Variants in CDC25B observed in about 807,000 individuals in gnomAD.
CDC25B encodes cell division cycle 25B, also known as M-phase inducer phosphatase 2.
In CDC25B, 33 loss-of-function variants were observed where a neutral mutation model predicts 69.8. The ratio of observed to expected loss-of-function variants is 0.47; its 90% CI spans 0.36 to 0.63. The LOEUF is 0.63. Among genes scored for constraint, CDC25B ranks in the 30% least tolerant of loss-of-function variants. The pLI is 0.00. For synonymous variants in CDC25B, 341 were observed against 314.6 expected (o/e 1.08, Z -0.89); for missense variants, 727 against 809.1 (o/e 0.90, Z 1.23).
chr20:3,792,647 T>C (rs79921473), upstream of CDC25B, among the ~76,000 whole-genome samples: 9,336 of 152,260 alleles, frequency 0.061, 336 homozygotes, highest in Non-Finnish European at 0.071. Flanking sequence ...TATGTATTTT[T>C]AGTAGAGACA....
chr20:3,799,525 T>TGTGCGC (rs1211874383), intron 3 of CDC25B, among the ~76,000 whole-genome samples: 438 of 68,736 alleles, frequency 6.4e-3, no homozygotes, highest in South Asian at 0.014. Flanking sequence ...TGTGTGTGTG[T>TGTGCGC]GCGCGCGCGC....
upstream of CDC25B, chr20:3,795,863 C>A (rs2089016663): frequency 2.5e-5 from 25 of 984,900 alleles, no homozygotes; most frequent in South Asian, 8.5e-4. Flanking sequence ...TAATGAACTT[C>A]ACGCCTCAGC....
At chr20:3,798,315 GTTTT>G (rs58192077) in intron 2 of CDC25B, 93 bp from the exon 3 acceptor site, 7,413 of 369,862 alleles carry the variant, frequency 0.02, 4 homozygotes, top group East Asian at 0.036. Context: ...ACTAGAAACT[GTTTT>G]TTTTTTTTTT....
rs1195029246 is a variant in CDC25B, at chr20:3,805,687, C to T, written c.*726C>T. On this transcript the variant is annotated 3_prime_UTR_variant, in exon 16 of 16. Transcript: ENST00000245960. ...GGATGTTATTATCCTTGGGGGCTCC[C>T]AGGGCAAGGGTTAAGGCCTGAATCA... 1 of 402,596 alleles carries T rather than the reference C, an allele frequency of 2.5e-6. No homozygotes were observed. Among genetic ancestry groups the T allele is most frequent in the Non-Finnish European group, 4.4e-6 (1 of 227,500 alleles). The allele number at this position is 402,596 out of a possible 1,614,324, so 24.9% of individuals were successfully genotyped here. A position where few individuals can be genotyped will look rare whatever the true frequency, so the allele number is the denominator to read the frequency against.
At chr20:3,787,034 T>G (rs560474655) in exon 1 of CDC25B, 35,361 of 614,868 alleles carry the variant, frequency 0.058, 1,285 homozygotes, top group Non-Finnish European at 0.074. Context: ...TTGTTTGTTT[T>G]TTTTTTTTTT....
chr20:3,798,937 C>T (rs2089164739), intron 3 of CDC25B, among the ~76,000 whole-genome samples: 1 of 152,216 alleles, frequency 6.6e-6, no homozygotes, highest in Non-Finnish European at 1.5e-5. Flanking sequence ...CCTCTGACTT[C>T]GATGACACTT....
rs770463028 is a variant in CDC25B at position 3,800,818 on chromosome 20, G to A, written c.535G>A (p.Glu179Lys). ...SQAPDGRRKSEAGSGAASSSG... is the reference protein window; with the variant it reads ...SQAPDGRRKSKAGSGAASSSG... ...GGCGCCCGACGGCCGGAGGAAGAGC[G>A]AGGCGGGCAGTGGAGCTGCCAGCAG... is the stretch of plus-strand genomic sequence containing the variant. Residue 179 changes from glutamate (E) to lysine (K), a missense_variant, in exon 6 of 16, where the codon GAG (glutamate) becomes AAG (lysine). This residue lies in a region of CDC25B where 368 missense variants were observed against 345.6 expected (regional missense o/e 1.06). Coordinates refer to ENST00000245960, the MANE Select transcript of CDC25B (RefSeq NM_021873.4). 7.7e-5 allele frequency: 125 copies of A among 1,613,242 alleles called. No individual in the cohort carries two copies. The highest frequency in any genetic ancestry group is 1.6e-4 in the Middle Eastern group (1 of 6,084).
chr20:3,797,759 A>G lies in CDC25B; in HGVS notation c.328+10A>G. On this transcript the variant is annotated intron_variant, in intron 2 of 15. Coordinates refer to ENST00000245960, the MANE Select transcript of CDC25B (RefSeq NM_021873.4). ...GAATCTTCTGATGCAGGTGAGGCCCAGGGGAGCCTGGGGAGATCTGCCTGT... is the reference window on the plus strand; with the variant it reads ...GAATCTTCTGATGCAGGTGAGGCCCGGGGGAGCCTGGGGAGATCTGCCTGT... The G allele has an allele frequency of 1.9e-6, 3 of 1,613,546 alleles. 1 individual carries two copies. The Middle Eastern group carries it at 5.0e-4, about 266-fold the overall frequency.
chr20:3,793,946 G>C (rs1311476928), upstream of CDC25B, among the ~76,000 whole-genome samples: 1 of 148,894 alleles, frequency 6.7e-6, no homozygotes, highest in East Asian at 2.0e-4. Context: ...TTTTATGGCT[G>C]CATAGTATTC....
At chr20:3,799,519 T>TGC (rs1438909914) in intron 3 of CDC25B, among the ~76,000 whole-genome samples, 52 of 49,882 alleles carry the variant, frequency 1.0e-3, no homozygotes, top group African/African-American at 4.6e-3. Flanking sequence ...TGTGTGTGTG[T>TGC]GTGTGTGCGC....
chr20:3,799,537 C>CGT (rs1168676364), intron 3 of CDC25B, among the ~76,000 whole-genome samples: 2 of 150,858 alleles, frequency 1.3e-5, no homozygotes, highest in East Asian at 2.0e-4. Flanking sequence ...CGCGCGCGCG[C>CGT]GTAGATGCAC....
rs2089279614 is a variant in CDC25B, at chr20:3,801,386, A to G, written c.838A>G (p.Lys280Glu). Residue 280 changes from lysine to glutamate, a missense_variant and splice_region_variant, in exon 8 of 16, where the codon AAG becomes GAG. By Grantham distance (56) the Lys-to-Glu change is moderately conservative. This residue lies in a region of CDC25B where 359 missense variants were observed against 463.4 expected (regional missense o/e 0.77). Coordinates refer to ENST00000245960, the MANE Select transcript of CDC25B (RefSeq NM_021873.4). The stretch of plus-strand genomic sequence containing the variant: ...TGTGGACATCCTAGAGAGTGACTTA[A>G]AGGTAAACAGCCTTGTCCCACCAGG... ...GFVDILESDLKDDDAVPPGME... is the reference protein window; with the variant it reads ...GFVDILESDLEDDDAVPPGME... The G allele has an allele frequency of 6.2e-7, 1 of 1,610,320 alleles. No individual in the cohort carries two copies. The highest frequency in any genetic ancestry group is 8.5e-7 in the Non-Finnish European group (1 of 1,177,998).
intron 1 of CDC25B, among the ~76,000 whole-genome samples, chr20:3,788,417 C>A (rs998970421): frequency 6.6e-6 from 1 of 152,188 alleles, no homozygotes; most frequent in Non-Finnish European, 1.5e-5. Flanking sequence ...AAGTATGTTG[C>A]AAATGTTTTC....
At position 3,799,838 on chromosome 20, in the gene CDC25B, C is replaced by T. The variant is rs11569994; in HGVS notation, c.381-450C>T. ...CAGCTCCTCACAGGGGAGAGGAAGC[C>T]TAGCCTTGCTGTTGTCCAGGCCCTG... On this transcript the variant is annotated intron_variant, in intron 3 of 15. Coordinates refer to ENST00000245960, the MANE Select transcript of CDC25B (RefSeq NM_021873.4). 4.1e-4 allele frequency among the ~76,000 whole-genome samples: 63 copies of T among 152,230 alleles called. No individual in the cohort carries two copies. The East Asian group carries it at 0.012, about 29-fold the overall frequency.
upstream of CDC25B, chr20:3,795,893 G>T (rs2089018438): frequency 4.1e-6 from 4 of 985,464 alleles, no homozygotes; most frequent in Admixed American, 1.2e-4. Flanking sequence ...TGTAAAATGG[G>T]GTGTCTAACG....
chr20:3,791,137 A>G (rs1044193231), intron 1 of CDC25B, among the ~76,000 whole-genome samples: 1 of 152,216 alleles, frequency 6.6e-6, no homozygotes, highest in Non-Finnish European at 1.5e-5. Context: ...CATGTATTGC[A>G]CAGTGCAAAG....
At chr20:3,795,358 C>CAA (rs11482372), upstream of CDC25B, among the ~76,000 whole-genome samples, 214 of 148,872 alleles carry the variant, frequency 1.4e-3, 1 homozygote, top group Admixed American at 3.6e-3. Flanking sequence ...GACTCCATCC[C>CAA]AAAAAAAACA....
upstream of CDC25B, among the ~76,000 whole-genome samples, chr20:3,794,280 T>C (rs899759284): frequency 5.3e-5 from 8 of 151,422 alleles, no homozygotes; most frequent in Non-Finnish European, 1.2e-4. Flanking sequence ...GACTTTTTAA[T>C]GATTGCCATT....
rs984544288 is a variant in CDC25B at position 3,805,157 on chromosome 20, C to T, written c.*196C>T. ...TCATTTTCCATATCCTGGTGCCCCC[C>T]ACCCCTGGAAGAGCCCAGTCTGTTG... is the stretch of plus-strand genomic sequence containing the variant. On this transcript the variant is annotated 3_prime_UTR_variant, in exon 16 of 16. Transcript: ENST00000245960. The T allele has an allele frequency of 3.3e-6, 2 of 615,232 alleles. No homozygotes were observed. The highest frequency in any genetic ancestry group is 4.1e-5 in the South Asian group (2 of 48,570). 38.1% of individuals were successfully genotyped at this position (615,232 alleles called of 1,614,324 possible).
Sources: gnomAD v4.1 joint callset for allele counts (sites outside exome capture counted in the v4.1 genomes callset) on GRCh38, gnomAD v4.1.1 for gene constraint, gnomAD v4.1.1 regional missense constraint, MANE v1.5 for transcripts, NCBI Gene and HGNC (gene_info 2026-07-23, HGNC 2026-07-21) for gene names.